RERE: variants seen among roughly 807,000 people sequenced by gnomAD.
RERE encodes the protein arginine-glutamic acid dipeptide repeats, also known as arginine-glutamic acid dipeptide repeats protein.
RERE carries 40 observed loss-of-function variants against 146.1 expected under a neutral mutation model. The observed-to-expected ratio is 0.27, with a 90% CI of 0.21 to 0.36. The LOEUF (loss-of-function observed/expected upper bound fraction) is 0.36. Ranked by LOEUF, RERE falls within the 10% of genes least tolerant of loss-of-function variation. RERE has a pLI of 1.00. For synonymous variants in RERE, 1,003 were observed against 866.0 expected (o/e 1.16, Z -2.78); for missense variants, 1,933 against 2,138.7 (o/e 0.90, Z 1.90).
rs548655170 is a variant in RERE, at chr1:8,676,052, G to T, written c.-144-19611C>A. Among the ~76,000 whole-genome samples, 10 of 151,978 alleles carry T rather than the reference G, an allele frequency of 6.6e-5. No homozygotes were observed. In the East Asian group the frequency reaches 1.9e-3, roughly 29 times the overall value. On this transcript the variant is annotated intron_variant, in intron 1 of 22. Transcript: ENST00000400908. The stretch of plus-strand genomic sequence containing the variant: ...TTACACTATATATTACCATATAAAG[G>T]GTCTATGAAGTCTATATGTAAGAAA...
At chr1:8,446,798 C>T (rs1366340288) in intron 11 of RERE, among the ~76,000 whole-genome samples, 7 of 151,978 alleles carry the variant, frequency 4.6e-5, no homozygotes, top group East Asian at 1.9e-4. Context: ...CTCAGCCTCC[C>T]GAGTAGCTGG....
At chr1:8,452,176 C>T (rs1432389898) in intron 11 of RERE, among the ~76,000 whole-genome samples, 1 of 152,192 alleles carries the variant, frequency 6.6e-6, no homozygotes, top group Non-Finnish European at 1.5e-5. Context: ...TCTACAGCAC[C>T]CTTCCTGATC....
At chr1:8,604,144 T>G (rs1646669414) in intron 4 of RERE, among the ~76,000 whole-genome samples, 1 of 152,176 alleles carries the variant, frequency 6.6e-6, no homozygotes, top group Non-Finnish European at 1.5e-5. Flanking sequence ...ATTCTCATCT[T>G]ACATGTGAAG....
intron 2 of RERE, among the ~76,000 whole-genome samples, chr1:8,632,145 T>C (rs1333797291): frequency 2.6e-5 from 4 of 152,184 alleles, no homozygotes; most frequent in Non-Finnish European, 4.4e-5. Context: ...ATAATGTACA[T>C]TCAAGAAATC....
chr1:8,588,969 C>T (rs1165789582), intron 4 of RERE, among the ~76,000 whole-genome samples: 1 of 147,818 alleles, frequency 6.8e-6, no homozygotes, highest in African/African-American at 2.5e-5. Flanking sequence ...ACTAAAAATA[C>T]AAACATCAGC....
At chr1:8,704,305 C>CATTGTA (rs763805859) in intron 1 of RERE, among the ~76,000 whole-genome samples, 1 of 152,198 alleles carries the variant, frequency 6.6e-6, no homozygotes, top group Non-Finnish European at 1.5e-5. Context: ...CTCCCAAAGA[C>CATTGTA]ATTGTATAGG....
chr1:8,361,041 T>C lies in RERE; in HGVS notation c.2466A>G (p.Pro822=), dbSNP rs941756214. 4 of 1,423,816 alleles carry C rather than the reference T, an allele frequency of 2.8e-6. No individual in the cohort carries two copies. The highest frequency in any genetic ancestry group is 1.9e-4 in the Middle Eastern group (1 of 5,140). The allele number at this position is 1,423,816 out of a possible 1,614,324, so 88.2% of individuals were successfully genotyped here. A position where few individuals can be genotyped will look rare whatever the true frequency, so the allele number is the denominator to read the frequency against. ...PSPHPPPHPS[P]HPPLQPLTGS... ...CAGTCAGAGGCTGCAGCGGGGGATG[T>C]GGCGAGGGATGCGGCGGGGGATGCG... Residue 822 remains proline (P), a synonymous_variant, in exon 18 of 23, where the codon CCA becomes CCG. Transcript: ENST00000400908.
At chr1:8,426,568 C>T (rs930420949) in intron 11 of RERE, among the ~76,000 whole-genome samples, 6 of 152,200 alleles carry the variant, frequency 3.9e-5, no homozygotes, top group Non-Finnish European at 8.8e-5. Context: ...CCATCTCCCC[C>T]ATCCAGCCAT....
At chr1:8,427,931 A>C (rs77226787) in intron 11 of RERE, among the ~76,000 whole-genome samples, 205 of 152,318 alleles carry the variant, frequency 1.3e-3, no homozygotes, top group African/African-American at 4.7e-3. Flanking sequence ...AGTTTTTAAG[A>C]CTTTAACAAT....
chr1:8,723,373 C>T (rs1029338499), intron 1 of RERE, among the ~76,000 whole-genome samples: 46 of 152,052 alleles, frequency 3.0e-4, no homozygotes, highest in Admixed American at 1.3e-4. Context: ...CTAAACAGAA[C>T]ATAGGCACAA....
intron 1 of RERE, among the ~76,000 whole-genome samples, chr1:8,789,303 T>TAC (rs1225316423): frequency 4.7e-5 from 3 of 63,582 alleles, no homozygotes; most frequent in African/African-American, 1.5e-4. Context: ...AAAAAAAAAA[T>TAC]ATATATATAT....
At chr1:8,560,605 G>A (rs1454008123) in intron 4 of RERE, among the ~76,000 whole-genome samples, 1 of 152,040 alleles carries the variant, frequency 6.6e-6, no homozygotes, top group Non-Finnish European at 1.5e-5. Context: ...TCTGTAAAAA[G>A]GAGATACTGA....
chr1:8,730,515 G>A (rs1231557604), intron 1 of RERE, among the ~76,000 whole-genome samples: 1 of 152,106 alleles, frequency 6.6e-6, no homozygotes, highest in Non-Finnish European at 1.5e-5. Context: ...GCTAATTTTT[G>A]TATTTTTAGT....
chr1:8,585,536 G>A (rs1045948513), intron 4 of RERE, among the ~76,000 whole-genome samples: 7 of 152,292 alleles, frequency 4.6e-5, no homozygotes, highest in Admixed American at 3.9e-4. Flanking sequence ...TGCAAGACAT[G>A]TACAAGATGA....
chr1:8,642,606 A>C (rs1019282873), intron 2 of RERE, among the ~76,000 whole-genome samples: 1 of 152,238 alleles, frequency 6.6e-6, no homozygotes, highest in Admixed American at 6.5e-5. Flanking sequence ...GTTTATAAAC[A>C]AGACTAATTT....
intron 11 of RERE, among the ~76,000 whole-genome samples, chr1:8,458,902 C>A (rs1644488033): frequency 6.6e-6 from 1 of 152,182 alleles, no homozygotes; most frequent in East Asian, 1.9e-4. Context: ...TATCTCTTCC[C>A]TTCTAATAAA....
At position 8,360,370 on chromosome 1, in the gene RERE, G is replaced by C; in HGVS notation, c.3137C>G (p.Pro1046Arg). ...GGAGGGGCAGGTCGGAGGGGTGATG[G>C]GAGGAGGGCCTCCAGGGACAAAGGG... is the stretch of plus-strand genomic sequence containing the variant. ...QHPFVPGGPP[P>R]ITPPTCPSTS... The change falls in exon 18 of 23, where the codon CCC (proline) becomes CGC (arginine). Residue 1046 changes from proline to arginine, a missense_variant. By Grantham distance (103) the Pro-to-Arg change is moderately radical. Transcript: ENST00000400908. 6.8e-7 allele frequency: 1 copy of C among 1,463,266 alleles called. No homozygotes were observed. 90.6% of individuals were successfully genotyped at this position (1,463,266 alleles called of 1,614,324 possible). A position where few individuals can be genotyped will look rare whatever the true frequency, so the allele number is the denominator to read the frequency against.
At chr1:8,776,586 G>T (rs375673935) in intron 1 of RERE, among the ~76,000 whole-genome samples, 1 of 151,940 alleles carries the variant, frequency 6.6e-6, no homozygotes, top group Non-Finnish European at 1.5e-5. Flanking sequence ...TATGAGCCAC[G>T]GCACCTAGCC....
intron 1 of RERE, among the ~76,000 whole-genome samples, chr1:8,675,571 G>A (rs373779753): frequency 1.3e-5 from 2 of 151,818 alleles, no homozygotes; most frequent in African/African-American, 4.8e-5. Context: ...CTACTCGGGA[G>A]GATTAGCCAG....
Sources: gnomAD v4.1 joint callset for allele counts (sites outside exome capture counted in the v4.1 genomes callset) on GRCh38, gnomAD v4.1.1 for gene constraint, MANE v1.5 for transcripts, NCBI Gene and HGNC (gene_info 2026-07-23, HGNC 2026-07-21) for gene names.